CTNND2: variants seen among roughly 807,000 people sequenced by gnomAD.
CTNND2 encodes the protein catenin delta-2.
A neutral mutation model predicts 144.4 loss-of-function variants in CTNND2; 22 were observed. The observed-to-expected ratio is 0.15, with a 90% CI of 0.11 to 0.22. The LOEUF is 0.22. CTNND2 is among the 10% of genes least tolerant of loss of function. CTNND2 has a pLI of 1.00. For synonymous variants in CTNND2, 751 were observed against 695.6 expected, an observed-to-expected ratio of 1.08 and a Z score of -1.25; for missense variants, 1,353 against 1,618.8, an observed-to-expected ratio of 0.84 and a Z score of 2.82.
At chr5:11,848,539 A>T (rs192919503) in intron 1 of CTNND2, among the ~76,000 whole-genome samples, 4 of 152,162 alleles carry the variant, frequency 2.6e-5, no homozygotes, top group Admixed American at 1.3e-4. Context: ...TCACAGAATG[A>T]CTAAATTTTC....
Position 11,140,495 on chromosome 5 carries a change from G to A in CTNND2, c.2159+19081C>T, listed in dbSNP as rs187321046. On this transcript the variant is annotated intron_variant, in intron 12 of 21. Coordinates refer to ENST00000304623, the MANE Select transcript of CTNND2 (RefSeq NM_001332.4). ...AAAGTTGTTTTCAAACACTATGTAT[G>A]CTAATAAAGTTCAAGCTTACCTGTA... Among the ~76,000 whole-genome samples the A allele has an allele frequency of 1.1e-4, 17 of 152,308 alleles. No individual in the cohort carries two copies. The East Asian group carries it at 2.9e-3, about 26-fold the overall frequency.
At chr5:11,232,913 T>C (rs1741199042) in intron 10 of CTNND2, among the ~76,000 whole-genome samples, 1 of 152,200 alleles carries the variant, frequency 6.6e-6, no homozygotes, top group African/African-American at 2.4e-5. Flanking sequence ...CGGTTCCCCC[T>C]ACTGCTGTTC....
chr5:11,893,875 TG>T (rs1737185982), intron 1 of CTNND2, among the ~76,000 whole-genome samples: 1 of 152,188 alleles, frequency 6.6e-6, no homozygotes, highest in Non-Finnish European at 1.5e-5. Context: ...TATCTGAAAT[TG>T]CTATAGGCAG....
At chr5:11,192,038 T>C (rs1016443995) in intron 11 of CTNND2, among the ~76,000 whole-genome samples, 2 of 152,206 alleles carry the variant, frequency 1.3e-5, no homozygotes, top group Non-Finnish European at 2.9e-5. Context: ...CCCCTTTCCA[T>C]GTCATCTACA....
chr5:11,334,828 G>A lies in CTNND2; in HGVS notation c.1628+11544C>T, dbSNP rs562748880. Among the ~76,000 whole-genome samples the A allele has an allele frequency of 2.0e-5, 3 of 152,286 alleles. No individual in the cohort carries two copies. In the East Asian group the frequency reaches 5.8e-4, roughly 29 times the overall value. ...TCTCTAAAGAGGCCCCCAAACTAAG[G>A]ACCCTCCGGTATGGAATTTTAAACA... On this transcript the variant is annotated intron_variant, in intron 9 of 21. Transcript: ENST00000304623.
At chr5:11,294,155 T>C (rs1226564399) in intron 9 of CTNND2, among the ~76,000 whole-genome samples, 1 of 144,278 alleles carries the variant, frequency 6.9e-6, no homozygotes, top group Non-Finnish European at 1.5e-5. Context: ...AACTCGTACA[T>C]ATAGTTTCAC....
chr5:10,976,687 GA>G lies in CTNND2; in HGVS notation c.3418-2975del. The stretch of plus-strand genomic sequence containing the variant: ...AGAATATTCACTCTAAATTATGAAG[GA>G]TAGTGTCATGACACCTTCCAACTCT... On this transcript the variant is annotated intron_variant, in intron 21 of 21. Transcript: ENST00000304623. 2.0e-5 allele frequency among the ~76,000 whole-genome samples: 3 copies of G among 152,198 alleles called. No homozygotes were observed. In the Middle Eastern group the frequency reaches 0.01, roughly 518 times the overall value.
intron 17 of CTNND2, among the ~76,000 whole-genome samples, chr5:11,018,873 G>A (rs1286610030): frequency 6.6e-6 from 1 of 152,022 alleles, no homozygotes; most frequent in Non-Finnish European, 1.5e-5. Flanking sequence ...ACCATGCCCA[G>A]CTATTTTGTA....
chr5:11,294,644 C>T (rs532382620), intron 9 of CTNND2, among the ~76,000 whole-genome samples: 23 of 152,198 alleles, frequency 1.5e-4, no homozygotes, highest in South Asian at 1.0e-3. Flanking sequence ...ATGATCAAGT[C>T]GGCTTCATCC....
At chr5:11,376,572 G>A (rs1581052686) in intron 7 of CTNND2, among the ~76,000 whole-genome samples, 1 of 152,304 alleles carries the variant, frequency 6.6e-6, no homozygotes, top group Middle Eastern at 3.4e-3. Flanking sequence ...GGGGAAGGCA[G>A]GGCATTCAGA....
chr5:11,898,360 C>A (rs1186515653), intron 1 of CTNND2, among the ~76,000 whole-genome samples: 1 of 152,072 alleles, frequency 6.6e-6, no homozygotes, highest in Non-Finnish European at 1.5e-5. Flanking sequence ...AGAGATAATA[C>A]AATAAAGCAT....
intron 9 of CTNND2, among the ~76,000 whole-genome samples, chr5:11,263,205 T>C (rs1032071031): frequency 6.6e-6 from 1 of 152,246 alleles, no homozygotes; most frequent in African/African-American, 2.4e-5. Flanking sequence ...CTCAACCTGC[T>C]TGACTTTATT....
intron 9 of CTNND2, among the ~76,000 whole-genome samples, chr5:11,332,439 G>A (rs968861973): frequency 6.6e-6 from 1 of 152,032 alleles, no homozygotes; most frequent in Non-Finnish European, 1.5e-5. Flanking sequence ...GCAGTGCCTG[G>A]CCAGCCTGTA....
At chr5:11,686,746 A>G (rs1784669861) in intron 2 of CTNND2, among the ~76,000 whole-genome samples, 1 of 149,074 alleles carries the variant, frequency 6.7e-6, no homozygotes, top group African/African-American at 2.4e-5. Context: ...TGTTAAATAT[A>G]TTATTCTTAT....
At chr5:11,896,938 T>C (rs975026293) in intron 1 of CTNND2, among the ~76,000 whole-genome samples, 1 of 152,192 alleles carries the variant, frequency 6.6e-6, no homozygotes, top group Non-Finnish European at 1.5e-5. Flanking sequence ...TTTTTCAACC[T>C]GAGTTAAGCA....
chr5:11,589,001 G>A (rs1213896894), intron 2 of CTNND2: 7 of 985,242 alleles, frequency 7.1e-6, no homozygotes, highest in Non-Finnish European at 8.4e-6. Flanking sequence ...GGTAATTTCT[G>A]CTTTCACTCG....
At chr5:11,557,768 C>T (rs187855923) in intron 3 of CTNND2, among the ~76,000 whole-genome samples, 192 of 152,250 alleles carry the variant, frequency 1.3e-3, no homozygotes, top group African/African-American at 4.5e-3. Context: ...CAACTGATGA[C>T]GGGAATCTTG....
At chr5:11,225,830 C>T (rs1249712398) in intron 10 of CTNND2, among the ~76,000 whole-genome samples, 1 of 152,144 alleles carries the variant, frequency 6.6e-6, no homozygotes, top group African/African-American at 2.4e-5. Flanking sequence ...ACAAACGTGA[C>T]CTTGTTTGGA....
intron 9 of CTNND2, among the ~76,000 whole-genome samples, chr5:11,243,751 C>T (rs534733834): frequency 6.6e-6 from 1 of 152,176 alleles, no homozygotes; most frequent in Non-Finnish European, 1.5e-5. Context: ...CTATGTTCAA[C>T]AGTTCATGAC....
Sources: allele counts gnomAD v4.1 joint callset (sites outside exome capture counted in the v4.1 genomes callset), GRCh38; gene constraint gnomAD v4.1.1; transcripts MANE v1.5; gene names NCBI Gene and HGNC (gene_info 2026-07-23, HGNC 2026-07-21).